Variants in APBA2 observed in about 807,000 individuals in gnomAD.
The protein encoded by APBA2 is amyloid-beta A4 precursor protein-binding family A member 2.
A neutral mutation model predicts 75.0 loss-of-function variants in APBA2; 30 were observed. That is an observed-to-expected ratio of 0.40 (90% CI 0.30 to 0.54). APBA2 has a LOEUF of 0.54. APBA2 is among the 20% of genes least tolerant of loss of function. The pLI is 0.49. For synonymous variants in APBA2, 444 were observed against 409.6 expected, an observed-to-expected ratio of 1.08 and a Z score of -1.01; for missense variants, 801 against 1,016.1, an observed-to-expected ratio of 0.79 and a Z score of 2.88.
At chr15:29,090,934 C>G (rs2043535534) in intron 6 of APBA2, among the ~76,000 whole-genome samples, 1 of 151,874 alleles carries the variant, frequency 6.6e-6, no homozygotes, top group Admixed American at 6.5e-5. Context: ...CATACACGCT[C>G]TCCAAGCCCC....
At chr15:29,039,098 G>GGTGTGTGTGTGTGTGTGT (rs57326919) in intron 3 of APBA2, among the ~76,000 whole-genome samples, 6 of 106,214 alleles carry the variant, frequency 5.6e-5, no homozygotes, top group Non-Finnish European at 9.6e-5. Context: ...TGTATGTCAG[G>GGTGTGTGTGTGTGTGTGT]GTGTGTGTGT....
intron 4 of APBA2, among the ~76,000 whole-genome samples, chr15:29,057,160 G>A (rs1328751559): frequency 6.6e-6 from 1 of 152,170 alleles, no homozygotes; most frequent in Non-Finnish European, 1.5e-5. Context: ...TCTGAAGGGA[G>A]AAATGGGCAA....
chr15:29,052,879 A>G (rs944560736), intron 3 of APBA2, among the ~76,000 whole-genome samples: 12 of 152,174 alleles, frequency 7.9e-5, no homozygotes, highest in African/African-American at 2.7e-4. Context: ...ACTCACTTTT[A>G]TAACAAACCC....
rs34649553 is a variant in APBA2, at chr15:29,021,397, G to A, written c.-41+25591G>A. On this transcript the variant is annotated intron_variant, in intron 3 of 14. Coordinates refer to ENST00000683413, the MANE Select transcript of APBA2 (RefSeq NM_001353788.2). ...ACAAAAATTAGCTGGGCATGGTGGC[G>A]CGCGCCTGTAGTGCCAGCTACTCGG... Among the ~76,000 whole-genome samples, 709 of 152,018 alleles carry A rather than the reference G, an allele frequency of 4.7e-3. 4 individuals carry two copies. Among genetic ancestry groups the A allele is most frequent in the Middle Eastern group, 0.017 (5 of 294 alleles).
intron 6 of APBA2, among the ~76,000 whole-genome samples, chr15:29,077,403 AG>A (rs2042898104): frequency 6.6e-6 from 1 of 152,220 alleles, no homozygotes; most frequent in African/African-American, 2.4e-5. Context: ...CCTGGATCCA[AG>A]AAGCTCACTT....
At chr15:28,979,125 C>T (rs903406657) in intron 2 of APBA2, among the ~76,000 whole-genome samples, 2 of 152,208 alleles carry the variant, frequency 1.3e-5, no homozygotes, top group African/African-American at 4.8e-5. Flanking sequence ...GCCCTGCAGC[C>T]ATCTCCATCC....
intron 14 of APBA2, among the ~76,000 whole-genome samples, chr15:29,114,804 G>C (rs2044976677): frequency 6.6e-6 from 1 of 151,214 alleles, no homozygotes; most frequent in African/African-American, 2.4e-5. Context: ...GTGTGTGTGG[G>C]TGAGTGTATG....
intron 1 of APBA2, among the ~76,000 whole-genome samples, chr15:28,888,547 G>A (rs972640406): frequency 3.3e-5 from 5 of 152,344 alleles, no homozygotes; most frequent in African/African-American, 1.2e-4. Flanking sequence ...GACTCAACAG[G>A]TGTGGGCCTC....
At chr15:28,957,465 A>G (rs1184936195) in intron 2 of APBA2, among the ~76,000 whole-genome samples, 1 of 152,174 alleles carries the variant, frequency 6.6e-6, no homozygotes, top group Non-Finnish European at 1.5e-5. Flanking sequence ...TTAATGTTTT[A>G]AGGATAGCAT....
chr15:28,991,438 C>T lies in APBA2; in HGVS notation c.-94-4315C>T, dbSNP rs541793091. Among the ~76,000 whole-genome samples the T allele has an allele frequency of 3.9e-5, 6 of 152,096 alleles. No homozygotes were observed. Among genetic ancestry groups the T allele is most frequent in the South Asian group, 2.1e-4 (1 of 4,834 alleles). ...CCTTGTGCCGGAGCTCACCTTGTGC[C>T]GGAGCTCACCTTGTGCCAGGTGTTG... On this transcript the variant is annotated intron_variant, in intron 2 of 14. Transcript: ENST00000683413. The surrounding 1 kb of genome is among the most constrained non-coding windows in gnomAD (Gnocchi z 4.7).
intron 2 of APBA2, among the ~76,000 whole-genome samples, chr15:28,984,755 TC>T (rs67074450): frequency 5.5e-5 from 8 of 144,974 alleles, no homozygotes; most frequent in South Asian, 2.2e-4. Context: ...TCTATCTCTC[TC>T]CCCCCCCACC....
At chr15:28,941,186 G>T (rs964754134) in intron 2 of APBA2, among the ~76,000 whole-genome samples, 3 of 152,198 alleles carry the variant, frequency 2.0e-5, no homozygotes, top group Non-Finnish European at 2.9e-5. Flanking sequence ...CAGGTGGCAG[G>T]TTGGGAGGTT....
intron 3 of APBA2, among the ~76,000 whole-genome samples, chr15:29,038,007 C>T (rs925108409): frequency 1.3e-5 from 2 of 152,194 alleles, no homozygotes; most frequent in South Asian, 2.1e-4. Context: ...GCAGGGACTT[C>T]TGAACCATAG....
chr15:29,101,217 C>CTT (rs11333657), intron 9 of APBA2, among the ~76,000 whole-genome samples: 159 of 142,610 alleles, frequency 1.1e-3, no homozygotes, highest in African/African-American at 3.9e-3. Flanking sequence ...ATTGGAGTGC[C>CTT]TTTTTTTTTT....
rs762336721 is a variant in APBA2 at position 29,076,106 on chromosome 15, A to G, written c.1069+15A>G. On this transcript the variant is annotated intron_variant, in intron 6 of 14. Transcript: ENST00000683413. ...TTTTGTGGCTGGTAAGTGACTTTGA[A>G]TTTTATTTCTCAAGGGGCAGTTGCA... The G allele has an allele frequency of 1.9e-6, 3 of 1,613,620 alleles. No individual in the cohort carries two copies. The highest frequency in any genetic ancestry group is 2.7e-5 in the African/African-American group (2 of 74,904).
chr15:29,012,687 C>A (rs917522458), intron 3 of APBA2, among the ~76,000 whole-genome samples: 3 of 152,108 alleles, frequency 2.0e-5, no homozygotes, highest in Non-Finnish European at 4.4e-5. Context: ...TCAGATAGTT[C>A]CAGCTTTTGC....
At chr15:29,106,900 C>T (rs1206105680) in intron 12 of APBA2, 81 bp downstream of exon 12, 7 of 1,326,272 alleles carry the variant, frequency 5.3e-6, no homozygotes, top group Non-Finnish European at 7.5e-6. Flanking sequence ...ATCCCCACTT[C>T]ACTGCAATCC....
At chr15:28,908,747 G>C (rs918904370) in intron 1 of APBA2, among the ~76,000 whole-genome samples, 3 of 152,112 alleles carry the variant, frequency 2.0e-5, no homozygotes, top group Non-Finnish European at 4.4e-5. Flanking sequence ...TGACATCAAG[G>C]ATATCTTAAT....
rs370284179 is a variant in APBA2 at position 28,960,949 on chromosome 15, G to T, written c.-94-34804G>T. On this transcript the variant is annotated intron_variant, in intron 2 of 14. Transcript: ENST00000683413. ...TAATTTTGTATTTTTAGTAGAGACAGGGTTTCTCCATGTTGGTCAGGCTGG... is the reference window on the plus strand; with the variant it reads ...TAATTTTGTATTTTTAGTAGAGACATGGTTTCTCCATGTTGGTCAGGCTGG... Among the ~76,000 whole-genome samples the T allele has an allele frequency of 4.6e-5, 7 of 151,996 alleles. No individual in the cohort carries two copies. The East Asian group carries it at 1.4e-3, about 30-fold the overall frequency.
Sources: gnomAD v4.1 joint callset for allele counts (sites outside exome capture counted in the v4.1 genomes callset) on GRCh38, gnomAD v4.1.1 for gene constraint, Gnocchi (gnomAD v3.1) non-coding constraint, MANE v1.5 for transcripts, NCBI Gene and HGNC (gene_info 2026-07-23, HGNC 2026-07-21) for gene names.